WDR7: variants seen among roughly 807,000 people sequenced by gnomAD.
WDR7 encodes WD repeat-containing protein 7.
Under a neutral mutation model 169.4 loss-of-function variants are expected in WDR7, and 46 were observed. The ratio of observed to expected loss-of-function variants is 0.27; its 90% CI spans 0.21 to 0.35. The LOEUF is 0.35. Among genes scored for constraint, WDR7 ranks in the 10% least tolerant of loss-of-function variants. The pLI is 1.00. For missense variants in WDR7, 1,534 were observed against 1,859.3 expected (o/e 0.83, Z 3.22); for synonymous variants, 612 against 666.8 (o/e 0.92, Z 1.27).
intron 1 of WDR7, among the ~76,000 whole-genome samples, chr18:56,660,614 A>G (rs372067328): frequency 5.9e-5 from 9 of 151,942 alleles, no homozygotes; most frequent in East Asian, 1.9e-4. Flanking sequence ...GCCAGAGAAG[A>G]GAAGTCTAAG....
In WDR7 at chr18:56,829,226, G is replaced by C. The variant is rs141170482; in HGVS notation, c.3304+13082G>C. ...ATCACTATGATTGCACCACTGCACT[G>C]CAGCCTGGGTGACAGAGGGAGGCCT... is the stretch of plus-strand genomic sequence containing the variant. On this transcript the variant is annotated intron_variant, in intron 20 of 27. Coordinates refer to ENST00000254442, the MANE Select transcript of WDR7 (RefSeq NM_015285.3). Among the ~76,000 whole-genome samples the C allele has an allele frequency of 8.1e-3, 1,223 of 151,184 alleles. 20 individuals carry two copies. The highest frequency in any genetic ancestry group is 0.026 in the African/African-American group (1,071 of 41,136).
intron 20 of WDR7, among the ~76,000 whole-genome samples, chr18:56,832,980 G>T (rs1261837707): frequency 6.6e-6 from 1 of 152,016 alleles, no homozygotes; most frequent in African/African-American, 2.4e-5. Context: ...ACCGGACAGA[G>T]AATGAGTTTG....
chr18:56,924,364 G>T (rs2046774251), intron 22 of WDR7, among the ~76,000 whole-genome samples: 1 of 152,086 alleles, frequency 6.6e-6, no homozygotes, highest in South Asian at 2.1e-4. Flanking sequence ...GTTATACCGT[G>T]AAGTATTACT....
chr18:56,692,360 A>G (rs2025590632), intron 9 of WDR7, among the ~76,000 whole-genome samples: 1 of 152,054 alleles, frequency 6.6e-6, no homozygotes, highest in Admixed American at 6.6e-5. Flanking sequence ...GTTGAAGTAC[A>G]ACAGCACTTA....
At chr18:56,697,221 C>T (rs555130814) in intron 12 of WDR7, among the ~76,000 whole-genome samples, 9 of 152,266 alleles carry the variant, frequency 5.9e-5, no homozygotes, top group African/African-American at 1.9e-4. Flanking sequence ...ATTCATTCAC[C>T]GTCACCAGCT....
At chr18:56,924,298 C>T (rs1205450012) in intron 22 of WDR7, among the ~76,000 whole-genome samples, 190 bp downstream of exon 22, 4 of 152,028 alleles carry the variant, frequency 2.6e-5, no homozygotes, top group East Asian at 1.9e-4. Context: ...TTAACACAAT[C>T]GGGATTTAGC....
chr18:56,930,145 T>C (rs554314049), intron 22 of WDR7, among the ~76,000 whole-genome samples: 6 of 152,316 alleles, frequency 3.9e-5, no homozygotes, highest in African/African-American at 1.4e-4. Context: ...TTTTCTGGGA[T>C]CATCACAATT....
chr18:57,001,427 C>T (rs2047977944), intron 26 of WDR7, among the ~76,000 whole-genome samples: 2 of 152,076 alleles, frequency 1.3e-5, no homozygotes, highest in South Asian at 4.2e-4. Flanking sequence ...GCCTTGTGCT[C>T]TCAATAGTGA....
At chr18:56,692,917 T>A (rs969123425) in intron 9 of WDR7, among the ~76,000 whole-genome samples, 8 of 151,794 alleles carry the variant, frequency 5.3e-5, no homozygotes, top group African/African-American at 1.9e-4. Flanking sequence ...AAAAAAAAAA[T>A]TAGCATGGTG....
chr18:56,671,687 G>A (rs1180661637), intron 1 of WDR7, among the ~76,000 whole-genome samples: 1 of 152,230 alleles, frequency 6.6e-6, no homozygotes, highest in East Asian at 1.9e-4. Context: ...CTAGCAGAGT[G>A]AGAAAGACCA....
intron 13 of WDR7, among the ~76,000 whole-genome samples, chr18:56,722,017 T>C (rs1404046226): frequency 6.6e-6 from 1 of 152,262 alleles, no homozygotes; most frequent in Non-Finnish European, 1.5e-5. Context: ...CCATGTTTTC[T>C]GATATTTCTC....
At chr18:56,893,490 G>T (rs1480423903) in intron 21 of WDR7, among the ~76,000 whole-genome samples, 3 of 151,970 alleles carry the variant, frequency 2.0e-5, no homozygotes, top group Non-Finnish European at 2.9e-5. Context: ...CTTGTTTGTA[G>T]ACCACCTGCC....
At chr18:56,718,251 G>T (rs77540331) in intron 13 of WDR7, 92 bp downstream of exon 13, 4 of 1,308,100 alleles carry the variant, frequency 3.1e-6, no homozygotes, top group African/African-American at 1.5e-5. Context: ...AAGAAAAAAG[G>T]CTTGAAATGT....
chr18:56,662,012 A>G (rs2024914169), intron 1 of WDR7, among the ~76,000 whole-genome samples: 1 of 152,190 alleles, frequency 6.6e-6, no homozygotes, highest in Non-Finnish European at 1.5e-5. Context: ...AACCTTTACA[A>G]ACTTCTCATT....
At chr18:56,703,388 T>C (rs2025874819) in intron 12 of WDR7, among the ~76,000 whole-genome samples, 1 of 152,224 alleles carries the variant, frequency 6.6e-6, no homozygotes, top group South Asian at 2.1e-4. Context: ...CATTTTTGAT[T>C]CTAGATTTTT....
At chr18:56,764,656 G>A (rs2056349660) in intron 16 of WDR7, among the ~76,000 whole-genome samples, 2 of 152,114 alleles carry the variant, frequency 1.3e-5, no homozygotes, top group South Asian at 4.2e-4. Flanking sequence ...ATTGAGACTT[G>A]TTTTATGGCC....
chr18:56,665,907 C>A (rs1307473452), intron 1 of WDR7, among the ~76,000 whole-genome samples: 1 of 151,870 alleles, frequency 6.6e-6, no homozygotes, highest in Non-Finnish European at 1.5e-5. Context: ...CTCAGTTGAC[C>A]CTGGGGGAAG....
intron 21 of WDR7, among the ~76,000 whole-genome samples, chr18:56,912,453 G>GA (rs2046565716): frequency 6.6e-6 from 1 of 152,114 alleles, no homozygotes. Flanking sequence ...GGTCACAGGA[G>GA]ATCTATATAA....
intron 9 of WDR7, among the ~76,000 whole-genome samples, chr18:56,692,424 A>G (rs532461770): frequency 7.0e-6 from 1 of 142,998 alleles, no homozygotes; most frequent in South Asian, 2.3e-4. Flanking sequence ...TTGGCTTTGA[A>G]AGCAGAGTTT....
Sources: allele counts gnomAD v4.1 joint callset (sites outside exome capture counted in the v4.1 genomes callset), GRCh38; gene constraint gnomAD v4.1.1; transcripts MANE v1.5; gene names NCBI Gene and HGNC (gene_info 2026-07-23, HGNC 2026-07-21).